The following RTL4 variants were observed in gnomAD, a reference collection of about 807,000 sequenced individuals.
RTL4 encodes the protein retrotransposon Gag-like protein 4.
In RTL4, 4 loss-of-function variants were observed where a neutral mutation model predicts 5.3. The ratio of observed to expected loss-of-function variants is 0.75; its 90% CI spans 0.37 to 1.72. RTL4 has a LOEUF of 1.72. Among genes scored for constraint, RTL4 ranks in the 40% most tolerant of loss-of-function variants. The pLI is 0.04. For synonymous variants in RTL4, 98 were observed against 87.3 expected, an observed-to-expected ratio of 1.12 and a Z score of -0.68; for missense variants, 260 against 227.1, an observed-to-expected ratio of 1.14 and a Z score of -0.93.
At chrX:112,142,328 A>G in the RTL4 span, among the ~76,000 whole-genome samples, 1 of 112,540 alleles carries the variant, frequency 8.9e-6, no homozygotes, top group Non-Finnish European at 1.9e-5. Context: ...TGTCTGTCTT[A>G]GTGAACTCAA....
At chrX:112,235,664 A>T in the RTL4 span, among the ~76,000 whole-genome samples, 4 of 111,874 alleles carry the variant, frequency 3.6e-5, no homozygotes, top group South Asian at 3.7e-4. Flanking sequence ...ATCTAATAAA[A>T]ATGCTCCACC....
At chrX:112,185,757 G>A in the RTL4 span, among the ~76,000 whole-genome samples, 8 of 109,423 alleles carry the variant, frequency 7.3e-5, no homozygotes, top group African/African-American at 1.7e-4. Context: ...ATCTTTCTGT[G>A]TCTTAGTATA....
At chrX:112,337,375 C>T in the RTL4 span, among the ~76,000 whole-genome samples, 1 of 111,228 alleles carries the variant, frequency 9.0e-6, no homozygotes, top group African/African-American at 3.3e-5. Context: ...CCTCTGCCTC[C>T]TGGGTTCAAG....
the RTL4 span, among the ~76,000 whole-genome samples, chrX:112,129,310 T>A: frequency 1.8e-5 from 2 of 111,916 alleles, no homozygotes; most frequent in African/African-American, 6.5e-5. Context: ...AAATGTAGAA[T>A]TACCTGATGA....
chrX:112,353,826 A>G, the RTL4 span, among the ~76,000 whole-genome samples: 1 of 111,314 alleles, frequency 9.0e-6, no homozygotes, highest in Non-Finnish European at 1.9e-5. Flanking sequence ...TAGAACTTAA[A>G]GTATAATAAT....
At chrX:112,272,817 AT>A in the RTL4 span, among the ~76,000 whole-genome samples, 1 of 111,268 alleles carries the variant, frequency 9.0e-6, no homozygotes, top group Non-Finnish European at 1.9e-5. Context: ...AATTAAGAGA[AT>A]TATGGTGACA....
chrX:112,118,523 T>C, the RTL4 span, among the ~76,000 whole-genome samples: 1 of 112,029 alleles, frequency 8.9e-6, no homozygotes, highest in Non-Finnish European at 1.9e-5. Context: ...TCTTCTATAA[T>C]TTAATCTCCT....
chrX:112,184,577 C>T, the RTL4 span, among the ~76,000 whole-genome samples: 1 of 111,885 alleles, frequency 8.9e-6, no homozygotes, highest in South Asian at 3.8e-4. Flanking sequence ...CCTTCCTGGC[C>T]AAGGTAAAAA....
the RTL4 span, among the ~76,000 whole-genome samples, chrX:112,337,796 A>G: frequency 8.1e-5 from 9 of 111,246 alleles, no homozygotes; most frequent in Admixed American, 5.8e-4. Flanking sequence ...GGATTTCAGT[A>G]GATGGCATGT....
At chrX:112,334,004 G>A in the RTL4 span, among the ~76,000 whole-genome samples, 1 of 101,818 alleles carries the variant, frequency 9.8e-6, no homozygotes, top group Non-Finnish European at 2.0e-5. Context: ...ATGTCCATGA[G>A]TTCAATTGTT....
At chrX:112,358,438 C>T in the RTL4 span, among the ~76,000 whole-genome samples, 1 of 111,270 alleles carries the variant, frequency 9.0e-6, no homozygotes, top group South Asian at 3.8e-4. Flanking sequence ...AGTCAATTTG[C>T]CATTTTTGTA....
At chrX:112,306,051 A>T in the RTL4 span, among the ~76,000 whole-genome samples, 7,123 of 110,996 alleles carry the variant, frequency 0.064, 564 homozygotes, top group African/African-American at 0.22. Flanking sequence ...ATGAGATGGG[A>T]TATGCAGAGA....
chrX:112,193,206 A>G, the RTL4 span, among the ~76,000 whole-genome samples: 1 of 111,910 alleles, frequency 8.9e-6, no homozygotes, highest in Non-Finnish European at 1.9e-5. Context: ...ATATTTTGAT[A>G]CATGCATAAA....
At chrX:112,250,374 G>GT in the RTL4 span, among the ~76,000 whole-genome samples, 11 of 111,247 alleles carry the variant, frequency 9.9e-5, no homozygotes, top group African/African-American at 9.8e-5. Flanking sequence ...TTTTTGTTTT[G>GT]TTTTTTTCTG....
At chrX:112,170,859 T>C in the RTL4 span, among the ~76,000 whole-genome samples, 3 of 111,748 alleles carry the variant, frequency 2.7e-5, no homozygotes, top group Non-Finnish European at 5.6e-5. Flanking sequence ...CTTTTGCCCA[T>C]TCAGTATGAT....
At chrX:112,291,900 A>G in the RTL4 span, among the ~76,000 whole-genome samples, 6 of 109,586 alleles carry the variant, frequency 5.5e-5, no homozygotes, top group Non-Finnish European at 1.1e-4. Flanking sequence ...CGGCCTAGAC[A>G]CCCTCTAGTT....
chrX:112,196,273 G>A, the RTL4 span, among the ~76,000 whole-genome samples: 2 of 111,074 alleles, frequency 1.8e-5, no homozygotes, highest in East Asian at 5.6e-4. Context: ...TTCACTCGAC[G>A]TAATTTTCTC....
At chrX:112,400,132 T>C in the RTL4 span, among the ~76,000 whole-genome samples, 9 of 111,426 alleles carry the variant, frequency 8.1e-5, no homozygotes, top group African/African-American at 2.9e-4. Flanking sequence ...TCATCAAACA[T>C]AGAAAAATTT....
At chrX:112,202,937 C>T in the RTL4 span, among the ~76,000 whole-genome samples, 4 of 111,781 alleles carry the variant, frequency 3.6e-5, no homozygotes, top group Non-Finnish European at 7.5e-5. Context: ...ATGCTGTTTT[C>T]ACTATTTTTC....
Sources: allele counts gnomAD v4.1 joint callset (sites outside exome capture counted in the v4.1 genomes callset), GRCh38; gene constraint gnomAD v4.1.1; transcripts MANE v1.5; gene names NCBI Gene and HGNC (gene_info 2026-07-23, HGNC 2026-07-21).